Variants in DDHD2 observed in about 807,000 individuals in gnomAD.
DDHD2 encodes triacylglycerol hydrolase DDHD2.
In DDHD2, 62 loss-of-function variants were observed where a neutral mutation model predicts 91.2. That is an observed-to-expected ratio of 0.68 (90% confidence interval 0.55 to 0.84). DDHD2 has a LOEUF of 0.84. Ranked by LOEUF, DDHD2 falls within the 40% of genes least tolerant of loss-of-function variation. The pLI is 0.00. For missense variants in DDHD2, 740 were observed against 846.9 expected, an observed-to-expected ratio of 0.87 and a Z score of 1.57; for synonymous variants, 271 against 293.9, an observed-to-expected ratio of 0.92 and a Z score of 0.80.
intron 6 of DDHD2, 92 bp from the exon 7 acceptor site, chr8:38,242,158 T>G (rs556599168): frequency 9.7e-7 from 1 of 1,026,552 alleles, no homozygotes; most frequent in East Asian, 2.5e-5. Context: ...TCTGTGCAAA[T>G]GTAGTTAGAG....
At position 38,253,636 on chromosome 8, in the gene DDHD2, C is replaced by T. The variant is rs755855117; in HGVS notation, c.1972C>T (p.Arg658Cys). ...INVGMLNGGQ[R>C]IDYVLQEKPI... The stretch of plus-strand genomic sequence containing the variant: ...TGTGGGGATGCTGAATGGAGGCCAA[C>T]GCATTGACTATGTGCTACAGGAGAA... The change falls in exon 16 of 18, where the codon CGC (arginine) becomes TGC (cysteine). Residue 658 changes from arginine (R) to cysteine (C), a missense_variant. This residue lies in a region of DDHD2 where 47 missense variants were observed against 82.6 expected (regional missense o/e 0.57). Coordinates refer to ENST00000397166, the MANE Select transcript of DDHD2 (RefSeq NM_015214.3). The T allele has an allele frequency of 8.7e-6, 14 of 1,613,794 alleles. No individual in the cohort carries two copies. The highest frequency in any genetic ancestry group is 1.3e-5 in the African/African-American group (1 of 74,920).
intron 10 of DDHD2, among the ~76,000 whole-genome samples, chr8:38,248,278 G>T (rs1805804752): frequency 6.6e-6 from 1 of 151,862 alleles, no homozygotes; most frequent in African/African-American, 2.4e-5. Flanking sequence ...GGCCAGGCTG[G>T]TCTGGAATTC....
At chr8:38,265,264 C>CA (rs1228103198), downstream of DDHD2, among the ~76,000 whole-genome samples, 23,664 of 70,640 alleles carry the variant, frequency 0.33, 3,186 homozygotes, top group East Asian at 0.41. Flanking sequence ...GACTCTGTCT[C>CA]AAAAAAAAAA....
intron 16 of DDHD2, among the ~76,000 whole-genome samples, chr8:38,257,795 G>A (rs1806645129): frequency 6.6e-6 from 1 of 150,696 alleles, no homozygotes; most frequent in African/African-American, 2.4e-5. Context: ...CTCCCAAGTA[G>A]CCAGCATTAC....
At chr8:38,246,050 C>G in intron 8 of DDHD2, 100 bp downstream of exon 8, 2 of 1,324,296 alleles carry the variant, frequency 1.5e-6, no homozygotes, top group Middle Eastern at 2.5e-4. Flanking sequence ...ATTCAGAGGT[C>G]TAGAAGTGGT....
At chr8:38,239,711 A>T (rs1235801671) in intron 5 of DDHD2, among the ~76,000 whole-genome samples, 8 of 137,628 alleles carry the variant, frequency 5.8e-5, no homozygotes, top group East Asian at 2.1e-4. Context: ...CCATAATTTA[A>T]AAAAAAAAAA....
At chr8:38,236,141 T>C (rs1180038827) in intron 3 of DDHD2, among the ~76,000 whole-genome samples, 4 of 151,776 alleles carry the variant, frequency 2.6e-5, no homozygotes, top group Non-Finnish European at 4.4e-5. Context: ...GCCTCCCAAG[T>C]AGCTGGGACT....
In DDHD2 at chr8:38,253,567, G is replaced by A. The variant is rs371076038; in HGVS notation, c.1903G>A (p.Glu635Lys). 1.9e-6 allele frequency: 3 copies of A among 1,613,792 alleles called. No individual in the cohort carries two copies. Among genetic ancestry groups the A allele is most frequent in the Non-Finnish European group, 2.5e-6 (3 of 1,179,946 alleles). ...TSEKPSDVNT[E>K]ETSVAVKEEV... is the part of the protein sequence containing the mutation. ...TCTTCCATATCCAGATGTTAACACA[G>A]AAGAGACCTCTGTGGCAGTTAAAGA... Residue 635 changes from glutamate (E) to lysine (K), a missense_variant, in exon 16 of 18, where the codon GAA becomes AAA. By Grantham distance (56) the Glu-to-Lys change is moderately conservative (BLOSUM62 1). This residue lies in a region of DDHD2 where 693 missense variants were observed against 764.2 expected (regional missense o/e 0.91). Coordinates refer to ENST00000397166, the MANE Select transcript of DDHD2 (RefSeq NM_015214.3).
chr8:38,240,520 G>T (rs1043204532), intron 6 of DDHD2, among the ~76,000 whole-genome samples, 156 bp downstream of exon 6: 1 of 152,198 alleles, frequency 6.6e-6, no homozygotes, highest in African/African-American at 2.4e-5. Flanking sequence ...GACCTGAAGT[G>T]CTAGGAAATT....
chr8:38,240,932 G>T (rs954658506), intron 6 of DDHD2, among the ~76,000 whole-genome samples: 1 of 152,074 alleles, frequency 6.6e-6, no homozygotes, highest in Non-Finnish European at 1.5e-5. Flanking sequence ...TTAGCCGGGC[G>T]CAGTGGCAGG....
chr8:38,266,406 A>C, downstream of DDHD2: 1 of 1,179,504 alleles, frequency 8.5e-7, no homozygotes, highest in Non-Finnish European at 1.2e-6. Context: ...GTATGTTTTT[A>C]TTTATTTATT....
Position 38,251,944 on chromosome 8 carries a change from AG to A in DDHD2, c.1381del (p.Ala461GlnfsTer30). On this transcript the variant is annotated frameshift_variant, in exon 12 of 18. Transcript: ENST00000397166. LOFTEE classifies it high-confidence loss of function. The part of the protein sequence containing the change: ...IKRPAPQPAS[G>X]ANIPKESEFC... ...AGAGACCAGCCCCGCAGCCTGCTTC[AG>A]GGGCAAACATCCCCAAAGAATCTGA... 6.2e-7 allele frequency: 1 copy of A among 1,613,988 alleles called. No homozygotes were observed. The highest frequency in any genetic ancestry group is 1.1e-5 in the South Asian group (1 of 91,080).
At position 38,245,800 on chromosome 8, in the gene DDHD2, A is replaced by G. The variant is rs770697841; in HGVS notation, c.907A>G (p.Thr303Ala). 3 of 1,614,202 alleles carry G rather than the reference A, an allele frequency of 1.9e-6. No homozygotes were observed. The highest frequency in any genetic ancestry group is 3.3e-5 in the Admixed American group (2 of 60,018). Residue 303 changes from threonine (T) to alanine (A), a missense_variant, in exon 8 of 18, where the codon ACA (threonine) becomes GCA (alanine). Around this residue, in one of 2 missense-constraint regions of DDHD2, gnomAD observed 693 missense variants for 764.2 expected, o/e 0.91. Transcript: ENST00000397166. ...CCGCCTCAGGCACTTCACCAATGAC[A>G]CAATTCTGGATGTCTTCTTCTACAA... ...INRLRHFTNDTILDVFFYNSP... is the reference protein window; with the variant it reads ...INRLRHFTNDAILDVFFYNSP...
downstream of DDHD2, chr8:38,264,526 G>A: frequency 6.4e-7 from 1 of 1,565,976 alleles, no homozygotes; most frequent in Admixed American, 1.9e-5. Context: ...ATGGCATTCT[G>A]CATCAGTCAG....
chr8:38,250,592 T>TTC (rs1806038633), intron 11 of DDHD2: 1 of 152,184 alleles, frequency 6.6e-6, no homozygotes, highest in South Asian at 2.1e-4. Context: ...TTCAGAAGTC[T>TTC]TCTCTCCTCT....
At chr8:38,251,828 C>T in intron 11 of DDHD2, 84 bp from the exon 12 acceptor site, 2 of 912,526 alleles carry the variant, frequency 2.2e-6, no homozygotes, top group South Asian at 1.5e-5. Context: ...ACCTACCTAC[C>T]TACCTCAGGG....
At position 38,252,015 on chromosome 8, in the gene DDHD2, T is replaced by C. The variant is rs1258523026; in HGVS notation, c.1448T>C (p.Val483Ala). Reference sequence around the variant, plus strand: ...ACTAGAAATGGTGACTATCTGGATGTTGGCATTGGGCAGGTAACTAATTCT... The same window carrying C: ...ACTAGAAATGGTGACTATCTGGATGCTGGCATTGGGCAGGTAACTAATTCT... ...SNTRNGDYLD[V>A]GIGQVSVKYP... Residue 483 changes from valine to alanine, a missense_variant, in exon 12 of 18, where the codon GTT becomes GCT. Physicochemically the swap from Val to Ala is moderately conservative, Grantham distance 64. Coordinates refer to ENST00000397166, the MANE Select transcript of DDHD2 (RefSeq NM_015214.3). 3.7e-6 allele frequency: 6 copies of C among 1,613,684 alleles called. No homozygotes were observed. The highest frequency in any genetic ancestry group is 5.1e-6 in the Non-Finnish European group (6 of 1,179,648).
At chr8:38,272,158 A>G (rs1353505559), downstream of DDHD2, 1 of 152,232 alleles carries the variant, frequency 6.6e-6, no homozygotes. Context: ...ATGTTTTCAA[A>G]TATTTTGTGT....
At chr8:38,252,901 T>C (rs1806223570) in intron 14 of DDHD2, 56 bp from the exon 15 acceptor site, 1 of 1,606,976 alleles carries the variant, frequency 6.2e-7, no homozygotes, top group Non-Finnish European at 8.5e-7. Flanking sequence ...TGTTCAGCTA[T>C]GTTGGACCCT....
Sources: allele counts gnomAD v4.1 joint callset (sites outside exome capture counted in the v4.1 genomes callset), GRCh38; gene constraint gnomAD v4.1.1; regional missense constraint gnomAD v4.1.1; transcripts MANE v1.5; gene names NCBI Gene and HGNC (gene_info 2026-07-23, HGNC 2026-07-21).